Variants in PPL observed in about 807,000 individuals in gnomAD.
PPL encodes the protein 190 kDa paraneoplastic pemphigus antigen.
In PPL, 198 loss-of-function variants were observed where a neutral mutation model predicts 194.4. The observed-to-expected ratio is 1.02, with a 90% CI of 0.91 to 1.15. PPL has a LOEUF of 1.15. Among genes scored for constraint, PPL ranks in the 50% most tolerant of loss-of-function variants. PPL has a pLI of 0.00. For synonymous variants in PPL, 1,220 were observed against 972.4 expected (o/e 1.25, Z -4.74); for missense variants, 2,885 against 2,294.8 (o/e 1.26, Z -5.25).
In PPL at chr16:4,909,424, C is replaced by CTTTTTTTTTTTT. The variant is rs199792362; in HGVS notation, c.162+1414_162+1425dup. Among the ~76,000 whole-genome samples, 11 of 118,230 alleles carry CTTTTTTTTTTTT rather than the reference C, an allele frequency of 9.3e-5. 1 individual carries two copies. Among genetic ancestry groups the CTTTTTTTTTTTT allele is most frequent in the African/African-American group, 3.9e-4 (10 of 25,366 alleles). The allele number at this position is 118,230 out of a possible 152,430, so 77.6% of individuals were successfully genotyped here. A position where few individuals can be genotyped will look rare whatever the true frequency, so the allele number is the denominator to read the frequency against. ...CAGCCTCCCACTCCTCTGGTCCCAC[C>CTTTTTTTTTTTT]TTTTTTTTTTTTTTTTTTTTTTGAG... On this transcript the variant is annotated intron_variant, in intron 2 of 21. Coordinates refer to ENST00000345988, the MANE Select transcript of PPL (RefSeq NM_002705.5).
rs761416383 is a variant in PPL at position 4,890,760 on chromosome 16, A to G, written c.2130T>C (p.Arg710=). 7.5e-6 allele frequency: 12 copies of G among 1,608,632 alleles called. No individual in the cohort carries two copies. The highest frequency in any genetic ancestry group is 1.7e-5 in the Admixed American group (1 of 59,018). The part of the protein sequence containing the change: ...QEAEVHKLGQ[R]FNNLRQQVER... ...CCACCTGCTGGCGCAGGTTGTTGAA[A>G]CGCTGGCCCAGCTTGTGCACCTCGG... The change falls in exon 17 of 22, where the codon CGT becomes CGC. Residue 710 remains arginine (R), a synonymous_variant. Coordinates refer to ENST00000345988, the MANE Select transcript of PPL (RefSeq NM_002705.5).
intron 9 of PPL, among the ~76,000 whole-genome samples, chr16:4,897,441 G>A (rs1248541560): frequency 2.0e-5 from 3 of 151,788 alleles, no homozygotes; most frequent in Non-Finnish European, 4.4e-5. Context: ...GGCCCCATGT[G>A]ACCTGGGGAA....
At chr16:4,887,320 AGT>A in intron 20 of PPL, 93 bp from the exon 21 acceptor site, 1 of 971,736 alleles carries the variant, frequency 1.0e-6, no homozygotes, top group Non-Finnish European at 1.6e-6. Flanking sequence ...GTTCTTGAGA[AGT>A]GTGGAATTTG....
intron 11 of PPL, among the ~76,000 whole-genome samples, chr16:4,894,962 C>G (rs1489806618): frequency 6.6e-6 from 1 of 152,212 alleles, no homozygotes; most frequent in Admixed American, 6.5e-5. Flanking sequence ...CTGGCATTCC[C>G]TGGCCACAGT....
chr16:4,897,013 C>T (rs1240832421), intron 9 of PPL, among the ~76,000 whole-genome samples: 1 of 151,944 alleles, frequency 6.6e-6, no homozygotes, highest in African/African-American at 2.4e-5. Context: ...ATTGCGAATG[C>T]AATGAATGCC....
At chr16:4,917,886 G>C (rs934008537) in intron 1 of PPL, among the ~76,000 whole-genome samples, 2 of 150,418 alleles carry the variant, frequency 1.3e-5, no homozygotes, top group African/African-American at 4.9e-5. Flanking sequence ...TGGGCAATGA[G>C]AGTGAGACCC....
chr16:4,885,015 T>G lies in PPL; in HGVS notation c.3640A>C (p.Ser1214Arg), dbSNP rs1279967537. ...GAEEQLRSYQ[S>R]ELEALRRRGP... is the part of the protein sequence containing the mutation. ...CGCCTCCTGAGGGCCTCCAGCTCAC[T>G]CTGGTAGCTCCGGAGCTGCTCCTCG... The change falls in exon 22 of 22, where the codon AGT becomes CGT. Residue 1214 changes from serine to arginine, a missense_variant. Coordinates refer to ENST00000345988, the MANE Select transcript of PPL (RefSeq NM_002705.5). The surrounding 1 kb of genome is among the most constrained non-coding windows in gnomAD (Gnocchi z 6.3). 9 of 1,613,702 alleles carry G rather than the reference T, an allele frequency of 5.6e-6. No individual in the cohort carries two copies. Among genetic ancestry groups the G allele is most frequent in the Non-Finnish European group, 7.6e-6 (9 of 1,179,970 alleles).
intron 1 of PPL, among the ~76,000 whole-genome samples, chr16:4,926,565 C>A (rs775618905): frequency 3.0e-4 from 45 of 152,160 alleles, no homozygotes; most frequent in Non-Finnish European, 5.6e-4. Flanking sequence ...TAAGGAAAAA[C>A]ACCCCAATGG....
rs546791208 is a variant in PPL, at chr16:4,888,909, T to G, written c.2397+69A>C. ...TGTGCCAGGGCCGGTGCTTGCTGCT[T>G]CTCTGACCAGGGCACGGTGGAATAA... On this transcript the variant is annotated intron_variant, in intron 19 of 21. Transcript: ENST00000345988. 1.5e-5 allele frequency: 23 copies of G among 1,494,682 alleles called. No homozygotes were observed. The African/African-American group carries it at 3.2e-4, about 21-fold the overall frequency. 92.6% of individuals were successfully genotyped at this position (1,494,682 alleles called of 1,614,324 possible).
chr16:4,890,423 A>C (rs1214104358), intron 17 of PPL, 89 bp from the exon 18 acceptor site: 2 of 1,424,978 alleles, frequency 1.4e-6, no homozygotes, highest in Non-Finnish European at 1.9e-6. Flanking sequence ...GAAACAACCA[A>C]ATGTAACAAC....
chr16:4,928,585 T>C (rs980118802), intron 1 of PPL, among the ~76,000 whole-genome samples: 1 of 152,254 alleles, frequency 6.6e-6, no homozygotes, highest in African/African-American at 2.4e-5. Context: ...TTCAGGCTGA[T>C]ACCTTTTAGG....
intron 1 of PPL, among the ~76,000 whole-genome samples, chr16:4,918,074 C>T (rs144825192): frequency 1.2e-3 from 179 of 151,986 alleles, no homozygotes; most frequent in African/African-American, 4.0e-3. Context: ...GGGCAGATCA[C>T]CTGAGGTCAG....
intron 1 of PPL, among the ~76,000 whole-genome samples, chr16:4,920,265 A>G (rs1001613677): frequency 6.6e-6 from 1 of 151,042 alleles, no homozygotes; most frequent in Admixed American, 6.7e-5. Flanking sequence ...GTCTGGCAAC[A>G]GAACAAGACT....
chr16:4,897,536 G>C, intron 9 of PPL, 139 bp downstream of exon 9: 2 of 639,530 alleles, frequency 3.1e-6, no homozygotes, highest in Non-Finnish European at 5.5e-6. Flanking sequence ...AGAAGCATGG[G>C]TGCTGGGGGC....
intron 1 of PPL, among the ~76,000 whole-genome samples, chr16:4,935,005 C>T (rs2089278178): frequency 6.6e-6 from 1 of 152,148 alleles, no homozygotes; most frequent in Non-Finnish European, 1.5e-5. Flanking sequence ...GCACCCCAGG[C>T]TGGGGAGAGA....
rs376559885 is a variant in PPL at position 4,919,167 on chromosome 16, T to C, written c.63-8218A>G. 6.6e-5 allele frequency among the ~76,000 whole-genome samples: 10 copies of C among 151,846 alleles called. 1 individual carries two copies. Among genetic ancestry groups the C allele is most frequent in the African/African-American group, 2.4e-4 (10 of 41,536 alleles). On this transcript the variant is annotated intron_variant, in intron 1 of 21. Coordinates refer to ENST00000345988, the MANE Select transcript of PPL (RefSeq NM_002705.5). ...ACTCAGAGGGTAACACGGACACACGTGCTGAGGGCAGTGGCCGCTGGCCCT... is the reference window on the plus strand; with the variant it reads ...ACTCAGAGGGTAACACGGACACACGCGCTGAGGGCAGTGGCCGCTGGCCCT...
chr16:4,901,460 G>C (rs1596558344), intron 4 of PPL, among the ~76,000 whole-genome samples: 1 of 152,162 alleles, frequency 6.6e-6, no homozygotes, highest in East Asian at 1.9e-4. Context: ...AGGCCAATGG[G>C]GTCGGATCGC....
rs1365680006 is a variant in PPL at position 4,900,868 on chromosome 16, G to C, written c.568C>G (p.Gln190Glu). The stretch of plus-strand genomic sequence containing the variant: ...TACTTGGCCCGGAGTTCGCTGTTCT[G>C]CTCCTGAGGACAGAGCCGAGGGCAT... Reference protein sequence around the residue: ...PHLAKDGDKEQNSELRAKYQK... With the variant: ...PHLAKDGDKEENSELRAKYQK... The change falls in exon 6 of 22, where the codon CAG becomes GAG. Residue 190 changes from glutamine (Q) to glutamate (E), a missense_variant. Coordinates refer to ENST00000345988, the MANE Select transcript of PPL (RefSeq NM_002705.5). The C allele has an allele frequency of 6.2e-7, 1 of 1,614,116 alleles. No homozygotes were observed. The highest frequency in any genetic ancestry group is 8.5e-7 in the Non-Finnish European group (1 of 1,180,034).
chr16:4,934,790 C>T (rs900441080), intron 1 of PPL, among the ~76,000 whole-genome samples: 1 of 152,146 alleles, frequency 6.6e-6, no homozygotes, highest in Non-Finnish European at 1.5e-5. Context: ...GGGCATCAGG[C>T]AATGTTCAAG....
Sources: allele counts gnomAD v4.1 joint callset (sites outside exome capture counted in the v4.1 genomes callset), GRCh38; gene constraint gnomAD v4.1.1; non-coding constraint Gnocchi (gnomAD v3.1); transcripts MANE v1.5; gene names NCBI Gene and HGNC (gene_info 2026-07-23, HGNC 2026-07-21).